The following PIK3C2G variants were observed in gnomAD, a reference collection of about 807,000 sequenced individuals.
PIK3C2G encodes phosphatidylinositol-4-phosphate 3-kinase catalytic subunit type 2 gamma.
In PIK3C2G, 168 loss-of-function variants were observed where a neutral mutation model predicts 181.1. The ratio of observed to expected loss-of-function variants is 0.93; its 90% CI spans 0.82 to 1.05. PIK3C2G has a LOEUF of 1.05. Ranked by LOEUF, PIK3C2G falls within the 50% of genes least tolerant of loss-of-function variation. PIK3C2G has a pLI of 0.00. For missense variants in PIK3C2G, 1,869 were observed against 1,732.8 expected, an observed-to-expected ratio of 1.08 and a Z score of -1.40; for synonymous variants, 573 against 592.2, an observed-to-expected ratio of 0.97 and a Z score of 0.47.
chr12:18,316,836 G>A (rs1029101590), intron 6 of PIK3C2G, among the ~76,000 whole-genome samples: 1 of 151,988 alleles, frequency 6.6e-6, no homozygotes, highest in African/African-American at 2.4e-5. Context: ...CTATGTAACT[G>A]CTGTGTATTA....
At chr12:18,451,084 T>G (rs146919522) in intron 18 of PIK3C2G, among the ~76,000 whole-genome samples, 6,907 of 152,284 alleles carry the variant, frequency 0.045, 231 homozygotes, top group Non-Finnish European at 0.069. Flanking sequence ...CCATATGAAA[T>G]TTAAAATAGT....
chr12:18,696,200 T>C, the PIK3C2G span: 1 of 1,600,882 alleles, frequency 6.2e-7, no homozygotes, highest in South Asian at 1.1e-5. Context: ...ATTAGAAGAG[T>C]CTGCTCTTGT....
At chr12:18,310,111 T>C (rs928313829) in intron 5 of PIK3C2G, among the ~76,000 whole-genome samples, 4 of 151,934 alleles carry the variant, frequency 2.6e-5, no homozygotes, top group Non-Finnish European at 5.9e-5. Context: ...CTGAATTCAA[T>C]GTAGAGGAAA....
the PIK3C2G span, among the ~76,000 whole-genome samples, chr12:18,666,396 T>C: frequency 6.6e-6 from 1 of 152,068 alleles, no homozygotes; most frequent in Non-Finnish European, 1.5e-5. Flanking sequence ...GAAAAATACA[T>C]TTATGCAAAT....
At chr12:18,610,361 A>G (rs1443956801) in intron 31 of PIK3C2G, among the ~76,000 whole-genome samples, 1 of 152,148 alleles carries the variant, frequency 6.6e-6, no homozygotes, top group Non-Finnish European at 1.5e-5. Flanking sequence ...CTTTGTGCAC[A>G]TAAATCTCTG....
chr12:18,501,147 G>A (rs1273715552), intron 22 of PIK3C2G, among the ~76,000 whole-genome samples: 3 of 152,214 alleles, frequency 2.0e-5, no homozygotes, highest in African/African-American at 7.2e-5. Context: ...CTTGAAGTCA[G>A]TGAGACCAGG....
chr12:18,549,931 CT>C (rs144927472), intron 26 of PIK3C2G, among the ~76,000 whole-genome samples: 6,527 of 151,492 alleles, frequency 0.043, 261 homozygotes, highest in African/African-American at 0.11. Flanking sequence ...CCTCTCTCTA[CT>C]TTTTTTTTCT....
At chr12:18,347,597 G>C (rs904503558) in intron 11 of PIK3C2G, among the ~76,000 whole-genome samples, 1 of 152,040 alleles carries the variant, frequency 6.6e-6, no homozygotes, top group African/African-American at 2.4e-5. Context: ...ATCACTTCAG[G>C]TCAGAGGTTC....
In PIK3C2G at chr12:18,293,947, C is replaced by T. The variant is rs7301521; in HGVS notation, c.966C>T (p.Cys322=). 0.073 allele frequency: 117,094 copies of T among 1,593,482 alleles called. 5,173 individuals carry two copies. Among genetic ancestry groups the T allele is most frequent in the Non-Finnish European group, 0.086 (100,193 of 1,161,412 alleles). ...KDLIAEILHF[C]TNDQLLPKDH... Reference sequence around the variant, plus strand: ...TAATTGCAGAAATTCTGCATTTTTGCACAAATGACCAGCTACTCCCCAAAG... The same window carrying T: ...TAATTGCAGAAATTCTGCATTTTTGTACAAATGACCAGCTACTCCCCAAAG... The change falls in exon 5 of 33, where the codon TGC becomes TGT. Residue 322 remains cysteine (C), a synonymous_variant. Coordinates refer to ENST00000538779, the MANE Select transcript of PIK3C2G (RefSeq NM_001288772.2).
intron 9 of PIK3C2G, among the ~76,000 whole-genome samples, chr12:18,339,621 T>C (rs372923978): frequency 3.1e-4 from 47 of 152,280 alleles, no homozygotes; most frequent in African/African-American, 1.1e-3. Flanking sequence ...TGATTTACAA[T>C]GTAGATAATC....
At chr12:18,707,282 T>C in the PIK3C2G span, among the ~76,000 whole-genome samples, 1 of 152,108 alleles carries the variant, frequency 6.6e-6, no homozygotes, top group South Asian at 2.1e-4. Context: ...TGAATTAGAG[T>C]GAGTCCACTG....
intron 29 of PIK3C2G, among the ~76,000 whole-genome samples, chr12:18,573,596 G>A (rs898334901): frequency 1.3e-5 from 2 of 152,150 alleles, no homozygotes; most frequent in Non-Finnish European, 2.9e-5. Flanking sequence ...CTTGTTGGCT[G>A]TCTAACACTT....
intron 8 of PIK3C2G, among the ~76,000 whole-genome samples, chr12:18,330,494 T>C (rs1937819371): frequency 6.6e-6 from 1 of 152,210 alleles, no homozygotes; most frequent in Non-Finnish European, 1.5e-5. Flanking sequence ...CTAGTGACTA[T>C]GTGGCAATAT....
chr12:18,424,660 G>A (rs367830186), intron 18 of PIK3C2G: 4 of 202,692 alleles, frequency 2.0e-5, no homozygotes, highest in South Asian at 1.0e-4. Context: ...TTCACACACC[G>A]AATTAAGATT....
At chr12:18,592,034 C>A (rs1448684091) in intron 29 of PIK3C2G, among the ~76,000 whole-genome samples, 1 of 151,722 alleles carries the variant, frequency 6.6e-6, no homozygotes, top group Non-Finnish European at 1.5e-5. Context: ...GGAGAAGCAG[C>A]AAATTGAGGT....
chr12:18,426,328 T>G (rs940267277), intron 18 of PIK3C2G, among the ~76,000 whole-genome samples: 6 of 152,288 alleles, frequency 3.9e-5, no homozygotes, highest in Admixed American at 3.3e-4. Flanking sequence ...TGATTTTTTT[T>G]TGTGATTATA....
At chr12:18,410,472 T>C (rs1381074188) in intron 16 of PIK3C2G, among the ~76,000 whole-genome samples, 1 of 140,478 alleles carries the variant, frequency 7.1e-6, no homozygotes, top group Non-Finnish European at 1.5e-5. Context: ...GCTACTGCAC[T>C]CCAGCATGGG....
chr12:18,534,444 A>T (rs992025434), intron 24 of PIK3C2G, among the ~76,000 whole-genome samples: 3 of 152,132 alleles, frequency 2.0e-5, no homozygotes, highest in African/African-American at 7.2e-5. Flanking sequence ...AATGGTCATA[A>T]GTTAATGAAA....
chr12:18,263,013 C>T (rs986137850), intron 1 of PIK3C2G, among the ~76,000 whole-genome samples: 2 of 151,926 alleles, frequency 1.3e-5, no homozygotes, highest in South Asian at 2.1e-4. Flanking sequence ...TAGCAATAGA[C>T]CTTTTATGAC....
Sources: gnomAD v4.1 joint callset for allele counts (sites outside exome capture counted in the v4.1 genomes callset) on GRCh38, gnomAD v4.1.1 for gene constraint, MANE v1.5 for transcripts, NCBI Gene and HGNC (gene_info 2026-07-23, HGNC 2026-07-21) for gene names.